The following STRN variants were observed in gnomAD, a reference collection of about 807,000 sequenced individuals.
STRN encodes the protein protein phosphatase 2 regulatory subunit B'''alpha.
A neutral mutation model predicts 96.3 loss-of-function variants in STRN; 53 were observed. That is an observed-to-expected ratio of 0.55 (90% confidence interval 0.44 to 0.69). The LOEUF (loss-of-function observed/expected upper bound fraction) is 0.69. Among genes scored for constraint, STRN ranks in the 30% least tolerant of loss-of-function variants. The probability of loss-of-function intolerance (pLI) is 0.00; values close to 1 mark genes in which losing one functional copy is unlikely to be tolerated. For missense variants in STRN, 987 were observed against 963.9 expected (o/e 1.02, Z -0.32); for synonymous variants, 428 against 355.9 (o/e 1.20, Z -2.28).
chr2:36,906,704 T>A (rs150584018), intron 3 of STRN, among the ~76,000 whole-genome samples: 1 of 151,796 alleles, frequency 6.6e-6, no homozygotes, highest in East Asian at 1.9e-4. Context: ...AGCGGGTGGA[T>A]CACTTGAGGT....
intron 1 of STRN, among the ~76,000 whole-genome samples, chr2:36,951,716 G>C (rs143600301): frequency 6.6e-6 from 1 of 152,164 alleles, no homozygotes; most frequent in Non-Finnish European, 1.5e-5. Context: ...ACTGACCTTA[G>C]AGAAATAAAA....
At chr2:36,957,413 C>T (rs1664915066) in intron 1 of STRN, among the ~76,000 whole-genome samples, 1 of 152,078 alleles carries the variant, frequency 6.6e-6, no homozygotes, top group East Asian at 1.9e-4. Context: ...CATGGCAAAA[C>T]CTCGTCTCTA....
At chr2:36,937,205 G>A (rs1408992658) in intron 1 of STRN, among the ~76,000 whole-genome samples, 4 of 151,964 alleles carry the variant, frequency 2.6e-5, no homozygotes, top group African/African-American at 7.3e-5. Flanking sequence ...TTAGCTGGGC[G>A]TGGTGGTGCA....
At chr2:36,849,876 T>A in intron 16 of STRN, 76 bp from the exon 17 acceptor site, 1 of 1,400,666 alleles carries the variant, frequency 7.1e-7, no homozygotes, top group Non-Finnish European at 1.0e-6. Flanking sequence ...CATGTCCTGC[T>A]GGTTTCTCCA....
chr2:36,861,390 A>G, intron 12 of STRN, 137 bp from the exon 13 acceptor site: 1 of 1,145,556 alleles, frequency 8.7e-7, no homozygotes, highest in Non-Finnish European at 1.2e-6. Flanking sequence ...CACAGGTACT[A>G]TCAAAGCACT....
intron 12 of STRN, among the ~76,000 whole-genome samples, chr2:36,866,250 G>C (rs568694303): frequency 3.9e-5 from 6 of 152,048 alleles, no homozygotes; most frequent in Non-Finnish European, 7.4e-5. Flanking sequence ...GATTTTTGTA[G>C]AGATGGGGTT....
intron 15 of STRN, 115 bp from the exon 16 acceptor site, chr2:36,851,222 C>T (rs776520653): frequency 1.3e-4 from 102 of 800,544 alleles, no homozygotes; most frequent in East Asian, 1.8e-4. Context: ...CGGTGGCTCA[C>T]GCCTGTAATC....
At chr2:36,945,198 A>T (rs1226980823) in intron 1 of STRN, among the ~76,000 whole-genome samples, 1 of 152,236 alleles carries the variant, frequency 6.6e-6, no homozygotes, top group Non-Finnish European at 1.5e-5. Context: ...TATTTTATAA[A>T]GATACTTTTT....
intron 3 of STRN, among the ~76,000 whole-genome samples, chr2:36,909,374 A>G (rs13430716): frequency 0.028 from 4,247 of 152,210 alleles, 89 homozygotes; most frequent in African/African-American, 0.065. Flanking sequence ...GGTAATATCG[A>G]AAGTATTTGA....
intron 10 of STRN, among the ~76,000 whole-genome samples, chr2:36,876,011 A>G (rs1572639916): frequency 1.3e-5 from 2 of 152,280 alleles, no homozygotes; most frequent in Non-Finnish European, 2.9e-5. Flanking sequence ...TCACACCTGT[A>G]ATCCCAGCAT....
intron 1 of STRN, among the ~76,000 whole-genome samples, chr2:36,941,006 A>C (rs2148253327): frequency 6.6e-6 from 1 of 152,246 alleles, no homozygotes; most frequent in South Asian, 2.1e-4. Flanking sequence ...TACAAAAATT[A>C]GCTGAACATG....
intron 7 of STRN, among the ~76,000 whole-genome samples, chr2:36,892,388 CA>C (rs1277858774): frequency 6.6e-6 from 1 of 151,860 alleles, no homozygotes; most frequent in Non-Finnish European, 1.5e-5. Flanking sequence ...ACCCAAGTAA[CA>C]AACCTGCAAA....
intron 1 of STRN, among the ~76,000 whole-genome samples, chr2:36,961,185 G>C (rs1472812468): frequency 7.2e-6 from 1 of 139,852 alleles, no homozygotes; most frequent in African/African-American, 2.8e-5. Flanking sequence ...GGAGTGCAGT[G>C]GAGTGATCAT....
At position 36,843,217 on chromosome 2, in the gene STRN, G is replaced by A. The variant is rs141392083; in HGVS notation, c.*6239C>T. 3.5e-3 allele frequency among the ~76,000 whole-genome samples: 528 copies of A among 152,230 alleles called. 3 individuals are homozygous for A. The highest frequency in any genetic ancestry group is 9.5e-3 in the South Asian group (46 of 4,820). The stretch of plus-strand genomic sequence containing the variant: ...ATACTCATTAGTATACCAGCATACA[G>A]AACACCAAACAATGGTGGATAGTTT... On this transcript the variant is annotated 3_prime_UTR_variant, in exon 18 of 18. Coordinates refer to ENST00000263918, the MANE Select transcript of STRN (RefSeq NM_003162.4).
At chr2:36,931,760 A>G (rs1305966104) in intron 1 of STRN, among the ~76,000 whole-genome samples, 5 of 152,236 alleles carry the variant, frequency 3.3e-5, no homozygotes, top group African/African-American at 1.2e-4. Context: ...CTGGATGCCT[A>G]TTTAACTCTG....
intron 1 of STRN, among the ~76,000 whole-genome samples, chr2:36,942,305 T>C (rs1170930132): frequency 3.3e-5 from 5 of 152,124 alleles, no homozygotes; most frequent in African/African-American, 1.2e-4. Flanking sequence ...TTTTATGTCA[T>C]TGCTAAGCCA....
intron 10 of STRN, among the ~76,000 whole-genome samples, chr2:36,876,304 G>T (rs1247096655): frequency 6.6e-6 from 1 of 151,076 alleles, no homozygotes; most frequent in Non-Finnish European, 1.5e-5. Context: ...TTGTAAATCT[G>T]TATCATATTT....
chr2:36,895,455 A>G (rs1669514010), intron 6 of STRN, among the ~76,000 whole-genome samples: 2 of 152,178 alleles, frequency 1.3e-5, no homozygotes, highest in South Asian at 4.1e-4. Flanking sequence ...GCACCTCCCA[A>G]TCTACCATCT....
chr2:36,932,245 C>G (rs1670594589), intron 1 of STRN, among the ~76,000 whole-genome samples: 1 of 152,142 alleles, frequency 6.6e-6, no homozygotes, highest in Non-Finnish European at 1.5e-5. Flanking sequence ...ACCTCCACCT[C>G]CCGGGTTCAA....
Sources: gnomAD v4.1 joint callset for allele counts (sites outside exome capture counted in the v4.1 genomes callset) on GRCh38, gnomAD v4.1.1 for gene constraint, MANE v1.5 for transcripts, NCBI Gene and HGNC (gene_info 2026-07-23, HGNC 2026-07-21) for gene names.